Variants in ZBTB20 observed in about 807,000 individuals in gnomAD.
ZBTB20 encodes the protein zinc finger and BTB domain-containing protein 20.
A neutral mutation model predicts 56.9 loss-of-function variants in ZBTB20; 9 were observed. That is an observed-to-expected ratio of 0.16 (90% CI 0.10 to 0.28). ZBTB20 has a LOEUF of 0.28. ZBTB20 is among the 10% of genes least tolerant of loss of function. The pLI is 1.00. For missense variants in ZBTB20, 655 were observed against 1,003.0 expected (o/e 0.65, Z 4.69); for synonymous variants, 417 against 420.7 (o/e 0.99, Z 0.11).
At chr3:115,006,014 T>C (rs1298338257) in intron 2 of ZBTB20, among the ~76,000 whole-genome samples, 1 of 151,482 alleles carries the variant, frequency 6.6e-6, no homozygotes, top group Non-Finnish European at 1.5e-5. Flanking sequence ...TTTTTTTTTC[T>C]TTTTTCTTTT....
chr3:114,478,812 C>G (rs1371918769), intron 7 of ZBTB20, among the ~76,000 whole-genome samples: 2 of 152,082 alleles, frequency 1.3e-5, no homozygotes, highest in African/African-American at 4.8e-5. Context: ...TAGAAGGTCA[C>G]AATTTTAAAA....
intron 6 of ZBTB20, among the ~76,000 whole-genome samples, chr3:114,560,581 G>A (rs1004785992): frequency 6.6e-6 from 1 of 152,162 alleles, no homozygotes; most frequent in Non-Finnish European, 1.5e-5. Context: ...ACACTTTCCT[G>A]TCTCCCTCTG....
At chr3:114,687,622 A>G (rs1034002520) in intron 6 of ZBTB20, 5 of 151,744 alleles carry the variant, frequency 3.3e-5, no homozygotes, top group Non-Finnish European at 7.4e-5. Context: ...AAAAAAAAAA[A>G]AAAAGAAAGA....
At chr3:114,976,668 G>A (rs1459137108) in intron 2 of ZBTB20, among the ~76,000 whole-genome samples, 3 of 151,624 alleles carry the variant, frequency 2.0e-5, no homozygotes, top group Non-Finnish European at 2.9e-5. Flanking sequence ...AATTGTTTTA[G>A]GATTAAATAA....
intron 5 of ZBTB20, among the ~76,000 whole-genome samples, chr3:114,735,514 T>A (rs186162345): frequency 1.3e-5 from 2 of 152,128 alleles, no homozygotes; most frequent in Non-Finnish European, 2.9e-5. Flanking sequence ...AGTATTTTTA[T>A]ACTGAGGAAT....
At chr3:114,716,761 T>G (rs2064507966) in intron 5 of ZBTB20, among the ~76,000 whole-genome samples, 1 of 152,148 alleles carries the variant, frequency 6.6e-6, no homozygotes, top group African/African-American at 2.4e-5. Flanking sequence ...GGCGTGGGAT[T>G]GTTTTTCCTA....
intron 5 of ZBTB20, among the ~76,000 whole-genome samples, chr3:114,769,865 C>A (rs772745345): frequency 6.6e-6 from 1 of 151,886 alleles, no homozygotes; most frequent in Non-Finnish European, 1.5e-5. Context: ...TTGAGACCAG[C>A]CTGGCCCACA....
chr3:115,054,742 A>G (rs1280763794), intron 2 of ZBTB20, among the ~76,000 whole-genome samples: 1 of 152,116 alleles, frequency 6.6e-6, no homozygotes, highest in Admixed American at 6.6e-5. Context: ...AAAAACTAGG[A>G]ATGGCTCCCA....
intron 4 of ZBTB20, among the ~76,000 whole-genome samples, chr3:114,843,503 G>C (rs2074486941): frequency 6.6e-6 from 1 of 152,126 alleles, no homozygotes; most frequent in Admixed American, 6.5e-5. Context: ...TGGCTCCAAA[G>C]CATCTATTTA....
intron 7 of ZBTB20, among the ~76,000 whole-genome samples, chr3:114,441,354 T>C (rs956776478): frequency 2.0e-5 from 3 of 152,162 alleles, no homozygotes; most frequent in Non-Finnish European, 2.9e-5. Context: ...GGCAAAATTA[T>C]AAGTTTCAAT....
intron 7 of ZBTB20, among the ~76,000 whole-genome samples, chr3:114,464,318 T>C (rs1470974960): frequency 6.6e-6 from 1 of 152,338 alleles, no homozygotes; most frequent in East Asian, 1.9e-4. Context: ...TGACACTCAA[T>C]CTAATTATAG....
intron 3 of ZBTB20, among the ~76,000 whole-genome samples, chr3:114,937,999 TGAGGCAGGAGAATGGCGTG>T (rs894297159): frequency 4.6e-5 from 7 of 151,622 alleles, no homozygotes; most frequent in African/African-American, 1.7e-4. Flanking sequence ...CTTGGGAGGC[TGAGGCAGGAGAATGGCGTG>T]GAGGCAGGAG....
intron 4 of ZBTB20, among the ~76,000 whole-genome samples, chr3:114,816,922 T>C (rs2072955056): frequency 6.6e-6 from 1 of 152,168 alleles, no homozygotes; most frequent in Non-Finnish European, 1.5e-5. Context: ...TACAGATTAA[T>C]GTGCATGACA....
intron 6 of ZBTB20, chr3:114,519,166 G>C (rs775060857): frequency 3.3e-5 from 5 of 152,230 alleles, no homozygotes; most frequent in Middle Eastern, 3.4e-3. Flanking sequence ...TTTGCCTTTT[G>C]TCCTCCCTGG....
intron 3 of ZBTB20, among the ~76,000 whole-genome samples, chr3:114,937,064 G>A (rs1257769835): frequency 6.6e-6 from 1 of 152,164 alleles, no homozygotes. Flanking sequence ...TGTGAATAGC[G>A]CTGCAATAAA....
chr3:114,457,047 T>G (rs1012053553), intron 7 of ZBTB20, among the ~76,000 whole-genome samples: 3 of 152,208 alleles, frequency 2.0e-5, no homozygotes, highest in Non-Finnish European at 4.4e-5. Context: ...GTTGACTGAT[T>G]TGGAAAGGGG....
At chr3:114,578,264 A>C (rs1007947466) in intron 6 of ZBTB20, among the ~76,000 whole-genome samples, 2 of 152,092 alleles carry the variant, frequency 1.3e-5, no homozygotes, top group African/African-American at 2.4e-5. Flanking sequence ...CACTCAGAAA[A>C]AAATTGTAGC....
At chr3:114,845,121 G>C (rs2074625812) in intron 4 of ZBTB20, among the ~76,000 whole-genome samples, 1 of 151,636 alleles carries the variant, frequency 6.6e-6, no homozygotes, top group African/African-American at 2.4e-5. Context: ...TAAATGAATT[G>C]TGCACTAATC....
intron 3 of ZBTB20, among the ~76,000 whole-genome samples, chr3:114,909,008 A>G (rs149670255): frequency 6.6e-6 from 1 of 152,144 alleles, no homozygotes; most frequent in Non-Finnish European, 1.5e-5. Context: ...CAAAAATGCA[A>G]TATCTGAAAT....
Sources: gnomAD v4.1 joint callset for allele counts (sites outside exome capture counted in the v4.1 genomes callset) on GRCh38, gnomAD v4.1.1 for gene constraint, MANE v1.5 for transcripts, NCBI Gene and HGNC (gene_info 2026-07-23, HGNC 2026-07-21) for gene names.